Variants in TNR observed in about 807,000 individuals in gnomAD.
The protein encoded by TNR is tenascin R.
TNR carries 45 observed loss-of-function variants against 150.4 expected under a neutral mutation model. The observed-to-expected ratio is 0.30, with a 90% CI of 0.24 to 0.38. TNR has a LOEUF of 0.38. Ranked by LOEUF, TNR falls within the 10% of genes least tolerant of loss-of-function variation. TNR has a pLI of 1.00. For synonymous variants in TNR, 687 were observed against 678.4 expected (o/e 1.01, Z -0.20); for missense variants, 1,544 against 1,759.1 (o/e 0.88, Z 2.19).
intron 2 of TNR, among the ~76,000 whole-genome samples, chr1:175,494,960 G>C (rs77367059): frequency 0.018 from 2,786 of 152,246 alleles, 38 homozygotes; most frequent in South Asian, 0.043. Context: ...GGTCGGTCAT[G>C]GTCCTCTAGG....
At chr1:175,473,206 C>T (rs531335630) in intron 2 of TNR, among the ~76,000 whole-genome samples, 1 of 152,242 alleles carries the variant, frequency 6.6e-6, no homozygotes, top group East Asian at 1.9e-4. Context: ...GTAGCAAACC[C>T]CAGGCACAAG....
At chr1:175,522,639 A>G (rs578092534) in intron 2 of TNR, among the ~76,000 whole-genome samples, 1 of 152,348 alleles carries the variant, frequency 6.6e-6, no homozygotes, top group Admixed American at 6.5e-5. Flanking sequence ...TTGACACAGT[A>G]TGTAGTACTG....
At chr1:175,602,782 C>A (rs1468399035) in intron 1 of TNR, among the ~76,000 whole-genome samples, 1 of 152,160 alleles carries the variant, frequency 6.6e-6, no homozygotes, top group East Asian at 1.9e-4. Context: ...GGGATGCTTT[C>A]TTCTTTCAGG....
chr1:175,428,616 A>G (rs1171924080), intron 2 of TNR, among the ~76,000 whole-genome samples: 1 of 152,196 alleles, frequency 6.6e-6, no homozygotes, highest in Non-Finnish European at 1.5e-5. Context: ...ATTTGTTCAA[A>G]TCAACATATG....
At chr1:175,518,165 G>A (rs910176315) in intron 2 of TNR, among the ~76,000 whole-genome samples, 1 of 152,176 alleles carries the variant, frequency 6.6e-6, no homozygotes, top group African/African-American at 2.4e-5. Context: ...TTACACATCT[G>A]TAATCATGTG....
chr1:175,434,740 C>A (rs1438668530), intron 2 of TNR, among the ~76,000 whole-genome samples: 1 of 152,124 alleles, frequency 6.6e-6, no homozygotes, highest in Non-Finnish European at 1.5e-5. Context: ...CAGTTCCTAC[C>A]GTGTTTTGGT....
rs562685081 is a variant in TNR, at chr1:175,584,471, C to G, written c.-164-56102G>C. On this transcript the variant is annotated intron_variant, in intron 1 of 22. Transcript: ENST00000367674. ...ACTTCTGGCTTGCAGAACCGTGAGA[C>G]AGTAAATTACTGTTGTTTTTAGCCA... Among the ~76,000 whole-genome samples, 7 of 152,340 alleles carry G rather than the reference C, an allele frequency of 4.6e-5. No homozygotes were observed. The South Asian group carries it at 1.4e-3, about 32-fold the overall frequency.
intron 1 of TNR, among the ~76,000 whole-genome samples, chr1:175,623,820 C>T (rs1278662528): frequency 6.6e-6 from 1 of 152,218 alleles, no homozygotes; most frequent in Non-Finnish European, 1.5e-5. Flanking sequence ...TCCCCCCATA[C>T]TACAGAGGAG....
At position 175,599,092 on chromosome 1, in the gene TNR, T is replaced by C. The variant is rs546140446; in HGVS notation, c.-164-70723A>G. The stretch of plus-strand genomic sequence containing the variant: ...CAGGGTGGAGCTGCGGTCTCCAGAC[T>C]CCATTCCAGCCTCTATGGGCCCCGG... On this transcript the variant is annotated intron_variant, in intron 1 of 22. Coordinates refer to ENST00000367674, the MANE Select transcript of TNR (RefSeq NM_003285.3). The surrounding 1 kb of genome is among the most constrained non-coding windows in gnomAD (Gnocchi z 4.7). Among the ~76,000 whole-genome samples the C allele has an allele frequency of 7.2e-5, 11 of 152,198 alleles. No individual in the cohort carries two copies. The South Asian group carries it at 2.3e-3, about 32-fold the overall frequency.
At chr1:175,627,446 T>C (rs1220757829) in intron 1 of TNR, among the ~76,000 whole-genome samples, 3 of 152,334 alleles carry the variant, frequency 2.0e-5, no homozygotes, top group Middle Eastern at 3.4e-3. Flanking sequence ...TAAATTTCCA[T>C]ATACTTGAAA....
At chr1:175,381,255 T>C (rs1652665766) in intron 8 of TNR, among the ~76,000 whole-genome samples, 1 of 152,228 alleles carries the variant, frequency 6.6e-6, no homozygotes, top group African/African-American at 2.4e-5. Flanking sequence ...GGGACTGGAC[T>C]GGGCTTGGGG....
At chr1:175,420,303 C>T (rs1654694837) in intron 2 of TNR, among the ~76,000 whole-genome samples, 1 of 152,196 alleles carries the variant, frequency 6.6e-6, no homozygotes, top group Non-Finnish European at 1.5e-5. Context: ...ATGTTTCTTC[C>T]TGTCCCCAAG....
intron 2 of TNR, among the ~76,000 whole-genome samples, chr1:175,488,318 T>C (rs1323185787): frequency 2.6e-5 from 4 of 152,150 alleles, no homozygotes; most frequent in Non-Finnish European, 4.4e-5. Context: ...ATTCCCAAGA[T>C]TGTTTTTTAT....
chr1:175,425,825 G>A lies in TNR; in HGVS notation c.-63-19048C>T, dbSNP rs77868024. Among the ~76,000 whole-genome samples the A allele has an allele frequency of 5.3e-3, 809 of 152,288 alleles. 9 individuals are homozygous for A. Among genetic ancestry groups the A allele is most frequent in the African/African-American group, 0.018 (732 of 41,542 alleles). ...CCTTCTTCTCTAAGCAGTGAGTAAG[G>A]TGAAAAACAATGCTGAGAGTTTCAG... On this transcript the variant is annotated intron_variant, in intron 2 of 22. Coordinates refer to ENST00000367674, the MANE Select transcript of TNR (RefSeq NM_003285.3).
intron 2 of TNR, among the ~76,000 whole-genome samples, chr1:175,425,801 C>G (rs774771992): frequency 6.6e-6 from 1 of 152,170 alleles, no homozygotes; most frequent in Non-Finnish European, 1.5e-5. Flanking sequence ...CCATCAGGCC[C>G]TTCTTCTCTA....
At position 175,638,313 on chromosome 1, in the gene TNR, C is replaced by T. The variant is rs548053675; in HGVS notation, c.-165+104913G>A. ...TCACTGACAATAACCAACTGTGGCA[C>T]TCTTGGGCAGGGTACAAGGTCCTCC... On this transcript the variant is annotated intron_variant, in intron 1 of 22. Coordinates refer to ENST00000367674, the MANE Select transcript of TNR (RefSeq NM_003285.3). 8.1e-4 allele frequency among the ~76,000 whole-genome samples: 123 copies of T among 152,330 alleles called. 1 individual carries two copies. Among genetic ancestry groups the T allele is most frequent in the African/African-American group, 2.8e-3 (116 of 41,580 alleles).
intron 1 of TNR, among the ~76,000 whole-genome samples, chr1:175,548,144 G>A (rs1231920473): frequency 3.3e-5 from 5 of 152,096 alleles, no homozygotes; most frequent in Admixed American, 6.5e-5. Flanking sequence ...CAACTGAGGC[G>A]GCTCTTACGC....
chr1:175,592,589 G>A (rs572262972), intron 1 of TNR, among the ~76,000 whole-genome samples: 11 of 152,314 alleles, frequency 7.2e-5, no homozygotes, highest in Admixed American at 5.9e-4. Context: ...CACTCATCTA[G>A]GCAGTACATT....
At chr1:175,331,082 T>TTTCTTTCTTTCTTTCC (rs1649837467) in intron 20 of TNR, among the ~76,000 whole-genome samples, 10 of 86,422 alleles carry the variant, frequency 1.2e-4, no homozygotes, top group African/African-American at 1.9e-4. Flanking sequence ...TCTTTCCTTC[T>TTTCTTTCTTTCTTTCC]TTCTTTCTTT....
Sources: allele counts gnomAD v4.1 joint callset (sites outside exome capture counted in the v4.1 genomes callset), GRCh38; gene constraint gnomAD v4.1.1; non-coding constraint Gnocchi (gnomAD v3.1); transcripts MANE v1.5; gene names NCBI Gene and HGNC (gene_info 2026-07-23, HGNC 2026-07-21).